The following HERC3 variants were observed in gnomAD, a reference collection of about 807,000 sequenced individuals.
HERC3 encodes probable E3 ubiquitin-protein ligase HERC3.
A neutral mutation model predicts 129.9 loss-of-function variants in HERC3; 58 were observed. That is an observed-to-expected ratio of 0.45 (90% CI 0.36 to 0.56). The LOEUF is 0.56. HERC3 is among the 20% of genes least tolerant of loss of function. The pLI, the probability that HERC3 is intolerant of heterozygous loss-of-function variation, is 0.00. For missense variants in HERC3, 835 were observed against 1,244.2 expected (o/e 0.67, Z 4.95); for synonymous variants, 430 against 451.0 (o/e 0.95, Z 0.59).
chr4:88,638,409 T>G (rs1237348462), intron 3 of HERC3, among the ~76,000 whole-genome samples: 1 of 152,312 alleles, frequency 6.6e-6, no homozygotes, highest in East Asian at 1.9e-4. Context: ...CAAGTCAGCT[T>G]CATCCTGGGA....
rs1733524229 is a variant in HERC3 at position 88,686,818 on chromosome 4, GT to G, written c.2574+19del. 1 of 1,567,996 alleles carries G rather than the reference GT, an allele frequency of 6.4e-7. No individual in the cohort carries two copies. The highest frequency in any genetic ancestry group is 8.8e-7 in the Non-Finnish European group (1 of 1,138,762). On this transcript the variant is annotated intron_variant, in intron 22 of 25. Coordinates refer to ENST00000402738, the MANE Select transcript of HERC3 (RefSeq NM_014606.3). ...CAACTTCACGGTAAGAATTTCCACA[GT>G]TTACTTAGGATTGTGGCTGTCTCTC...
rs527679907 is a variant in HERC3 at position 88,685,236 on chromosome 4, A to G, written c.2508-1500A>G. The stretch of plus-strand genomic sequence containing the variant: ...AAATACCATTTGACCCAGCTGTCCC[A>G]TTACTGGGTATATATCCAAAGGATT... On this transcript the variant is annotated intron_variant, in intron 21 of 25. Transcript: ENST00000402738. 2.6e-5 allele frequency among the ~76,000 whole-genome samples: 4 copies of G among 152,342 alleles called. No individual in the cohort carries two copies. In the South Asian group the frequency reaches 6.2e-4, roughly 24 times the overall value.
Position 88,650,016 on chromosome 4 carries a change from A to AT in HERC3, c.386+18dup, listed in dbSNP as rs753821169. Reference sequence around the variant, plus strand: ...AGTGCCCAGGTAAGAAGGTTTTCAAATGTCAGTCGTTTTAAATGCTATTTC... The same window carrying AT: ...AGTGCCCAGGTAAGAAGGTTTTCAAATTGTCAGTCGTTTTAAATGCTATTTC... On this transcript the variant is annotated intron_variant, in intron 4 of 25. Coordinates refer to ENST00000402738, the MANE Select transcript of HERC3 (RefSeq NM_014606.3). 1.9e-6 allele frequency: 3 copies of AT among 1,600,624 alleles called. No individual in the cohort carries two copies. Among genetic ancestry groups the AT allele is most frequent in the South Asian group, 1.1e-5 (1 of 89,644 alleles).
chr4:88,692,522 C>T (rs1007047736), intron 23 of HERC3, among the ~76,000 whole-genome samples: 13 of 152,052 alleles, frequency 8.5e-5, no homozygotes, highest in South Asian at 8.3e-4. Context: ...ACTTCAGGAC[C>T]GCTGGCAGAC....
chr4:88,648,936 G>T (rs1728982193), intron 3 of HERC3, among the ~76,000 whole-genome samples: 1 of 147,258 alleles, frequency 6.8e-6, no homozygotes. Context: ...CCACATTTTT[G>T]GTTTCCAAGA....
intron 1 of HERC3, among the ~76,000 whole-genome samples, chr4:88,592,941 A>G (rs1721882976): frequency 6.6e-6 from 1 of 152,112 alleles, no homozygotes; most frequent in African/African-American, 2.4e-5. Context: ...TGCGACGCAG[A>G]AAGTCAAAAG....
At chr4:88,584,887 G>A in the HERC3 span, among the ~76,000 whole-genome samples, 10 of 152,210 alleles carry the variant, frequency 6.6e-5, no homozygotes, top group Admixed American at 6.5e-4. Flanking sequence ...GGATCTGGGT[G>A]ACAACTTGAA....
At chr4:88,638,758 A>G (rs1727728963) in intron 3 of HERC3, among the ~76,000 whole-genome samples, 2 of 152,226 alleles carry the variant, frequency 1.3e-5, no homozygotes, top group African/African-American at 4.8e-5. Flanking sequence ...AATCAAGAGA[A>G]AGAAATAAAG....
At chr4:88,574,796 T>G in the HERC3 span, among the ~76,000 whole-genome samples, 1 of 152,194 alleles carries the variant, frequency 6.6e-6, no homozygotes, top group African/African-American at 2.4e-5. Context: ...TACACCACCT[T>G]TCATTTATCC....
chr4:88,705,871 G>A (rs1390010558), intron 25 of HERC3, among the ~76,000 whole-genome samples: 4 of 152,044 alleles, frequency 2.6e-5, no homozygotes, highest in African/African-American at 7.3e-5. Flanking sequence ...GAGAGGAAGT[G>A]GAGATCTTAC....
the HERC3 span, among the ~76,000 whole-genome samples, chr4:88,573,733 C>G: frequency 1.3e-5 from 2 of 152,140 alleles, no homozygotes; most frequent in African/African-American, 4.8e-5. Context: ...AAAACAGCAC[C>G]TGGCTCACAG....
At chr4:88,545,593 A>T in the HERC3 span, among the ~76,000 whole-genome samples, 4 of 151,468 alleles carry the variant, frequency 2.6e-5, 1 homozygote, top group African/African-American at 9.7e-5. Context: ...ATGTATGAGA[A>T]TTTTTTTTCT....
Position 88,655,169 on chromosome 4 carries a change from G to A in HERC3, c.778-5G>A. 1 of 1,613,716 alleles carries A rather than the reference G, an allele frequency of 6.2e-7. No homozygotes were observed. Among genetic ancestry groups the A allele is most frequent in the Non-Finnish European group, 8.5e-7 (1 of 1,179,700 alleles). On this transcript the variant is annotated splice_polypyrimidine_tract_variant and splice_region_variant and intron_variant, in intron 7 of 25. Coordinates refer to ENST00000402738, the MANE Select transcript of HERC3 (RefSeq NM_014606.3). ...TGAAGTCCTATGGTGTTTGTTCCTTGTTAGAGTGGAGGTGTGTTTACCTTT... is the reference window on the plus strand; with the variant it reads ...TGAAGTCCTATGGTGTTTGTTCCTTATTAGAGTGGAGGTGTGTTTACCTTT...
chr4:88,697,847 C>T (rs1205193266), intron 23 of HERC3: 19 of 1,479,978 alleles, frequency 1.3e-5, no homozygotes, highest in South Asian at 2.8e-5. Flanking sequence ...CGGCAAGTGG[C>T]GGTGACGTGC....
In HERC3 at chr4:88,651,888, T is replaced by A. The variant is rs1036546366; in HGVS notation, c.387-124T>A. 3.8e-5 allele frequency: 29 copies of A among 769,140 alleles called. No homozygotes were observed. In the African/African-American group the frequency reaches 4.7e-4, roughly 12 times the overall value. The allele number at this position is 769,140 out of a possible 1,614,324, so 47.6% of individuals were successfully genotyped here. ...CAGGCGTGAACCACTGTGCCTGGCC[T>A]TAAAAAGACTTTTAGGCAAGATGGT... is the stretch of plus-strand genomic sequence containing the variant. On this transcript the variant is annotated intron_variant, in intron 4 of 25. Coordinates refer to ENST00000402738, the MANE Select transcript of HERC3 (RefSeq NM_014606.3).
chr4:88,578,658 A>G, the HERC3 span, among the ~76,000 whole-genome samples: 2 of 152,162 alleles, frequency 1.3e-5, no homozygotes, highest in Non-Finnish European at 2.9e-5. Flanking sequence ...TATATTAAAG[A>G]AGGCAAATAA....
chr4:88,707,192 T>C lies in HERC3; in HGVS notation c.*232T>C. 1 of 527,440 alleles carries C rather than the reference T, an allele frequency of 1.9e-6. No individual in the cohort carries two copies. Among genetic ancestry groups the C allele is most frequent in the South Asian group, 2.2e-5 (1 of 44,494 alleles). The allele number at this position is 527,440 out of a possible 1,614,324, so 32.7% of individuals were successfully genotyped here. ...TTGGCCCTTGTATGGGAGGTGTTTTTGTTTTTGTTTTAAACCAAACTACCC... is the reference window on the plus strand; with the variant it reads ...TTGGCCCTTGTATGGGAGGTGTTTTCGTTTTTGTTTTAAACCAAACTACCC... On this transcript the variant is annotated 3_prime_UTR_variant, in exon 26 of 26. Transcript: ENST00000402738.
At position 88,655,248 on chromosome 4, in the gene HERC3, C is replaced by T. The variant is rs769263123; in HGVS notation, c.852C>T (p.Asn284=). 3.4e-5 allele frequency: 55 copies of T among 1,613,852 alleles called. No individual in the cohort carries two copies. The highest frequency in any genetic ancestry group is 4.1e-5 in the Non-Finnish European group (48 of 1,179,892). ...ACGACTCCATGAATGATGAGGTTAA[C>T]CCTAGAAGAGTTCTAGAGCTGATGG... is the stretch of plus-strand genomic sequence containing the variant. The part of the protein sequence containing the change: ...LGHDSMNDEV[N]PRRVLELMGS... Residue 284 remains asparagine, a synonymous_variant, in exon 8 of 26, where the codon AAC becomes AAT. Transcript: ENST00000402738.
chr4:88,562,779 C>A, the HERC3 span, among the ~76,000 whole-genome samples: 2 of 152,066 alleles, frequency 1.3e-5, no homozygotes, highest in South Asian at 2.1e-4. Flanking sequence ...AATGTGTATT[C>A]TTGATACTTT....
Sources: gnomAD v4.1 joint callset for allele counts (sites outside exome capture counted in the v4.1 genomes callset) on GRCh38, gnomAD v4.1.1 for gene constraint, MANE v1.5 for transcripts, NCBI Gene and HGNC (gene_info 2026-07-23, HGNC 2026-07-21) for gene names.